Variants in UNKL observed in about 807,000 individuals in gnomAD.
The protein encoded by UNKL is putative E3 ubiquitin-protein ligase UNKL.
A neutral mutation model predicts 78.0 loss-of-function variants in UNKL; 60 were observed. The ratio of observed to expected loss-of-function variants is 0.77; its 90% CI spans 0.63 to 0.95. The LOEUF (loss-of-function observed/expected upper bound fraction) is 0.95. UNKL is among the 40% of genes least tolerant of loss of function. UNKL has a pLI of 0.00. For synonymous variants in UNKL, 608 were observed against 474.8 expected (o/e 1.28, Z -3.65); for missense variants, 1,159 against 1,045.7 (o/e 1.11, Z -1.49).
chr16:1,391,131 T>TA (rs1596722214), intron 8 of UNKL, among the ~76,000 whole-genome samples: 2 of 148,906 alleles, frequency 1.3e-5, no homozygotes, highest in African/African-American at 2.5e-5. Context: ...GGCTGGGTGA[T>TA]AGAGTGAGAC....
chr16:1,376,841 C>T (rs2036265539), intron 10 of UNKL, among the ~76,000 whole-genome samples: 1 of 152,136 alleles, frequency 6.6e-6, no homozygotes, highest in Admixed American at 6.5e-5. Context: ...TAGATTTCAG[C>T]ACCGCACAGT....
Position 1,387,440 on chromosome 16 carries a change from G to A in UNKL, c.1087-2055C>T, listed in dbSNP as rs1043735302. Among the ~76,000 whole-genome samples, 4 of 152,168 alleles carry A rather than the reference G, an allele frequency of 2.6e-5. 1 individual carries two copies. In the South Asian group the frequency reaches 8.3e-4, roughly 32 times the overall value. On this transcript the variant is annotated intron_variant, in intron 9 of 14. Transcript: ENST00000389221. The surrounding 1 kb of genome is among the most constrained non-coding windows in gnomAD (Gnocchi z 4.1). ...AGACCCTCAGTGTGGCCCCAGGAAG[G>A]CTGAGAAGGACCTCTTGACAGACGT... is the stretch of plus-strand genomic sequence containing the variant.
chr16:1,397,329 G>A (rs1354039750), intron 5 of UNKL, 34 bp from the exon 6 acceptor site: 1 of 558,926 alleles, frequency 1.8e-6, no homozygotes, highest in Non-Finnish European at 2.5e-6. Context: ...GGACACAGAG[G>A]ACTTGGCTCC....
At chr16:1,396,859 C>T (rs1291352296) in intron 6 of UNKL, among the ~76,000 whole-genome samples, 1 of 152,206 alleles carries the variant, frequency 6.6e-6, no homozygotes, top group Non-Finnish European at 1.5e-5. Flanking sequence ...GCTGGGATTA[C>T]AGGCGTGAGC....
intron 10 of UNKL, among the ~76,000 whole-genome samples, chr16:1,378,523 C>T (rs1035757527): frequency 3.9e-5 from 6 of 152,234 alleles, no homozygotes; most frequent in African/African-American, 1.4e-4. Context: ...CACCAGGCTC[C>T]GTGCTAAGTC....
At chr16:1,401,125 G>A (rs1205743540) in intron 4 of UNKL, among the ~76,000 whole-genome samples, 1 of 152,206 alleles carries the variant, frequency 6.6e-6, no homozygotes. Context: ...GGATTTGAAA[G>A]CTGCTGTCTA....
At position 1,403,275 on chromosome 16, in the gene UNKL, T is replaced by C. The variant is rs755994453; in HGVS notation, c.357A>G (p.Gly119=). 11 of 1,614,196 alleles carry C rather than the reference T, an allele frequency of 6.8e-6. No individual in the cohort carries two copies. In the East Asian group the frequency reaches 2.2e-4, roughly 33 times the overall value. Residue 119 remains glycine, a synonymous_variant, in exon 3 of 15, where the codon GGA becomes GGG. Transcript: ENST00000389221. This position sits in a 1 kb window ranked among gnomAD's most constrained non-coding sequence, Gnocchi z 4.8. ...GTGCGTCTGTCTCGTGGATGCAGGTTCCTGTTTTGTAGTAACGCAGGTGGT... is the reference window on the plus strand; with the variant it reads ...GTGCGTCTGTCTCGTGGATGCAGGTCCCTGTTTTGTAGTAACGCAGGTGGT... The part of the protein sequence containing the change: ...RKYHLRYYKT[G]TCIHETDARG...
In UNKL at chr16:1,366,026, C is replaced by A; in HGVS notation, c.*214G>T. 4.1e-6 allele frequency: 2 copies of A among 489,148 alleles called. No individual in the cohort carries two copies. Among genetic ancestry groups the A allele is most frequent in the Non-Finnish European group, 6.8e-6 (2 of 292,386 alleles). 30.3% of individuals were successfully genotyped at this position (489,148 alleles called of 1,614,324 possible). On this transcript the variant is annotated 3_prime_UTR_variant, in exon 15 of 15. Transcript: ENST00000389221. ...GTTTTTGAGGAAAATACCTTGAAACCGTCGGTAGGACTAGATAGGTGACAA... is the reference window on the plus strand; with the variant it reads ...GTTTTTGAGGAAAATACCTTGAAACAGTCGGTAGGACTAGATAGGTGACAA...
Position 1,413,840 on chromosome 16 carries a change from G to C in UNKL, c.287+6C>G. 1 of 1,518,354 alleles carries C rather than the reference G, an allele frequency of 6.6e-7. No homozygotes were observed. The highest frequency in any genetic ancestry group is 8.9e-7 in the Non-Finnish European group (1 of 1,125,668). The allele number at this position is 1,518,354 out of a possible 1,614,324, so 94.1% of individuals were successfully genotyped here. ...CAGGCAGCGGCGCCCCCTCGCGGCCGCTTACTCGTCGCCGTCGGGGCACAC... is the reference window on the plus strand; with the variant it reads ...CAGGCAGCGGCGCCCCCTCGCGGCCCCTTACTCGTCGCCGTCGGGGCACAC... On this transcript the variant is annotated splice_donor_region_variant and intron_variant, in intron 2 of 14. Coordinates refer to ENST00000389221, the MANE Select transcript of UNKL (RefSeq NM_001372107.1).
intron 8 of UNKL, among the ~76,000 whole-genome samples, chr16:1,391,255 C>CACACAA (rs1555457656): frequency 2.0e-5 from 3 of 148,282 alleles, no homozygotes; most frequent in Admixed American, 6.8e-5. Context: ...CACACACACA[C>CACACAA]ACACACACAC....
chr16:1,410,938 AACAAC>A (rs1312125883), intron 2 of UNKL, among the ~76,000 whole-genome samples: 1 of 152,218 alleles, frequency 6.6e-6, no homozygotes, highest in Non-Finnish European at 1.5e-5. Flanking sequence ...AACCTGCCTT[AACAAC>A]ACTATGGCCG....
At chr16:1,413,787 C>A (rs764249900) in intron 2 of UNKL, 59 bp downstream of exon 2, 3 of 1,462,176 alleles carry the variant, frequency 2.1e-6, no homozygotes, top group Middle Eastern at 2.5e-4. Flanking sequence ...CCGGCCGCAT[C>A]CCCGGGTGGA....
chr16:1,393,345 C>T (rs1435911595), intron 7 of UNKL, among the ~76,000 whole-genome samples: 3 of 152,114 alleles, frequency 2.0e-5, no homozygotes, highest in African/African-American at 7.2e-5. Flanking sequence ...AACCCAAACC[C>T]CAGGGCTGCG....
At chr16:1,370,947 GT>G (rs2035769122) in intron 11 of UNKL, among the ~76,000 whole-genome samples, 1 of 152,074 alleles carries the variant, frequency 6.6e-6, no homozygotes, top group Non-Finnish European at 1.5e-5. Flanking sequence ...GCTGGGCGTG[GT>G]GGCGGGCACC....
At chr16:1,385,470 G>C (rs942778673) in intron 9 of UNKL, 85 bp from the exon 10 acceptor site, 2 of 1,247,452 alleles carry the variant, frequency 1.6e-6, no homozygotes, top group Non-Finnish European at 2.0e-6. Flanking sequence ...AAAGCACCGC[G>C]GGACGGCGGC....
intron 12 of UNKL, among the ~76,000 whole-genome samples, chr16:1,368,608 CAAAAAAA>C (rs757374554): frequency 5.5e-4 from 23 of 42,148 alleles, no homozygotes; most frequent in South Asian, 1.6e-3. Flanking sequence ...GACTCCGTCT[CAAAAAAA>C]AAAAAAAAAA....
Position 1,404,084 on chromosome 16 carries a change from C to G in UNKL, c.288-740G>C, listed in dbSNP as rs1399167860. Among the ~76,000 whole-genome samples, 4 of 152,148 alleles carry G rather than the reference C, an allele frequency of 2.6e-5. No homozygotes were observed. The East Asian group carries it at 7.7e-4, about 29-fold the overall frequency. On this transcript the variant is annotated intron_variant, in intron 2 of 14. Coordinates refer to ENST00000389221, the MANE Select transcript of UNKL (RefSeq NM_001372107.1). ...AAGGAGACGACACAAACCGCTCTGG[C>G]ATTCCTGGGCGCCTCCAGGTAGGTC...
Position 1,367,872 on chromosome 16 carries a change from G to A in UNKL, c.1586-14C>T, listed in dbSNP as rs531749458. 3.6e-5 allele frequency: 56 copies of A among 1,545,034 alleles called. No homozygotes were observed. The East Asian group carries it at 5.8e-4, about 16-fold the overall frequency. On this transcript the variant is annotated splice_polypyrimidine_tract_variant and intron_variant, in intron 12 of 14. Coordinates refer to ENST00000389221, the MANE Select transcript of UNKL (RefSeq NM_001372107.1). Reference sequence around the variant, plus strand: ...CACCGTTCAAACCTGAGTGTGAAACGGTCGATGACGGCCCAGCCCTGCTGT... The same window carrying A: ...CACCGTTCAAACCTGAGTGTGAAACAGTCGATGACGGCCCAGCCCTGCTGT...
intron 6 of UNKL, chr16:1,395,954 C>CT (rs368363582): frequency 5.6e-6 from 2 of 357,224 alleles, no homozygotes; most frequent in African/African-American, 2.1e-5. Flanking sequence ...GAGGATTTTA[C>CT]TTTTTTTAGA....
Sources: gnomAD v4.1 joint callset for allele counts (sites outside exome capture counted in the v4.1 genomes callset) on GRCh38, gnomAD v4.1.1 for gene constraint, Gnocchi (gnomAD v3.1) non-coding constraint, MANE v1.5 for transcripts, NCBI Gene and HGNC (gene_info 2026-07-23, HGNC 2026-07-21) for gene names.